Variants in SEPTIN9 observed in about 807,000 individuals in gnomAD.
The protein encoded by SEPTIN9 is septin-9.
In SEPTIN9, 13 loss-of-function variants were observed where a neutral mutation model predicts 56.6. The observed-to-expected ratio is 0.23, with a 90% confidence interval of 0.15 to 0.37. The LOEUF (loss-of-function observed/expected upper bound fraction) is 0.37. Ranked by LOEUF, SEPTIN9 falls within the 10% of genes least tolerant of loss-of-function variation. The probability of loss-of-function intolerance (pLI) is 1.00; values close to 1 mark genes in which losing one functional copy is unlikely to be tolerated. For synonymous variants in SEPTIN9, 332 were observed against 334.1 expected (o/e 0.99, Z 0.07); for missense variants, 650 against 823.1 (o/e 0.79, Z 2.57).
intron 2 of SEPTIN9, among the ~76,000 whole-genome samples, chr17:77,382,419 G>C (rs760653679): frequency 6.6e-6 from 1 of 152,228 alleles, no homozygotes; most frequent in Non-Finnish European, 1.5e-5. Context: ...GGTGGGAGGT[G>C]GGGGAGAGGG....
chr17:77,366,593 CCTT>C lies in SEPTIN9; in HGVS notation c.77-35463_77-35461del, dbSNP rs1319784314. ...CATACTTTCCACCCAGTCCTTCAGT[CCTT>C]CTGTCCTGTGTGTGTGCAGCCCCTG... is the stretch of plus-strand genomic sequence containing the variant. On this transcript the variant is annotated intron_variant, in intron 2 of 11. Transcript: ENST00000427177. 3.3e-5 allele frequency among the ~76,000 whole-genome samples: 5 copies of C among 152,326 alleles called. No homozygotes were observed. The East Asian group carries it at 9.6e-4, about 29-fold the overall frequency.
intron 1 of SEPTIN9, among the ~76,000 whole-genome samples, chr17:77,299,671 C>T (rs1480016837): frequency 6.6e-6 from 1 of 152,222 alleles, no homozygotes; most frequent in Non-Finnish European, 1.5e-5. Flanking sequence ...TCCCAATGCC[C>T]ACTGGTAAGC....
chr17:77,319,539 G>A lies in SEPTIN9; in HGVS notation c.76+12342G>A. On this transcript the variant is annotated intron_variant, in intron 2 of 11. Coordinates refer to ENST00000427177, the MANE Select transcript of SEPTIN9 (RefSeq NM_001113491.2). This position sits in a 1 kb window ranked among gnomAD's most constrained non-coding sequence, Gnocchi z 5.3. Reference sequence around the variant, plus strand: ...CTGCCTCTGTCACTGCAGACTAATGGGACGGAGGGGGGTGACTTCTCAGGG... The same window carrying A: ...CTGCCTCTGTCACTGCAGACTAATGAGACGGAGGGGGGTGACTTCTCAGGG... 9.5e-7 allele frequency: 1 copy of A among 1,049,866 alleles called. No homozygotes were observed. The highest frequency in any genetic ancestry group is 1.1e-6 in the Non-Finnish European group (1 of 869,598). The allele number at this position is 1,049,866 out of a possible 1,614,324, so 65.0% of individuals were successfully genotyped here.
chr17:77,376,265 C>A, intron 2 of SEPTIN9: 1 of 985,958 alleles, frequency 1.0e-6, no homozygotes, highest in Non-Finnish European at 1.2e-6. Context: ...TGCGGAGGGC[C>A]AGGCATGCCC....
rs568280987 is a variant in SEPTIN9 at position 77,303,573 on chromosome 17, C to T, written c.20-3568C>T. Among the ~76,000 whole-genome samples the T allele has an allele frequency of 2.0e-5, 3 of 151,710 alleles. No homozygotes were observed. In the South Asian group the frequency reaches 6.3e-4, roughly 32 times the overall value. ...CCGAATATACAAAAATTAGCCGGAG[C>T]GTGATGGCAGGTGCCTGTAATCTCA... On this transcript the variant is annotated intron_variant, in intron 1 of 11. Transcript: ENST00000427177.
rs891476470 is a variant in SEPTIN9 at position 77,326,857 on chromosome 17, G to A, written c.76+19660G>A. Among the ~76,000 whole-genome samples, 2 of 152,050 alleles carry A rather than the reference G, an allele frequency of 1.3e-5. No homozygotes were observed. The highest frequency in any genetic ancestry group is 2.9e-5 in the Non-Finnish European group (2 of 68,020). The stretch of plus-strand genomic sequence containing the variant: ...CAATGATTGAATCAATCATGCCTTC[G>A]TAATGAGGCCTCCGTGAACACTCAG... On this transcript the variant is annotated intron_variant, in intron 2 of 11. Transcript: ENST00000427177. The surrounding 1 kb of genome is among the most constrained non-coding windows in gnomAD (Gnocchi z 5.1).
chr17:77,466,559 C>T (rs1306216930), intron 3 of SEPTIN9: 2 of 985,482 alleles, frequency 2.0e-6, no homozygotes, highest in Admixed American at 6.1e-5. Context: ...TGGAGTCCCA[C>T]AGTAGGTCAA....
At chr17:77,485,150 TGGG>T (rs575310236) in intron 4 of SEPTIN9, among the ~76,000 whole-genome samples, 5 of 140,654 alleles carry the variant, frequency 3.6e-5, no homozygotes, top group Non-Finnish European at 7.6e-5. Flanking sequence ...GTGATTGTGA[TGGG>T]GGTGATGATG....
rs2035621034 is a variant in SEPTIN9, at chr17:77,393,849, G to A, written c.77-8210G>A. ...GATCCACCCACCTCAGCCTCCCAAA[G>A]TGTTAGGATTACAGGCATGAGCCAC... is the stretch of plus-strand genomic sequence containing the variant. On this transcript the variant is annotated intron_variant, in intron 2 of 11. Transcript: ENST00000427177. Among the ~76,000 whole-genome samples, 3 of 152,262 alleles carry A rather than the reference G, an allele frequency of 2.0e-5. 1 individual carries two copies. Among genetic ancestry groups the A allele is most frequent in the Admixed American group, 2.0e-4 (3 of 15,298 alleles).
intron 2 of SEPTIN9, among the ~76,000 whole-genome samples, chr17:77,347,834 G>A (rs1404331408): frequency 6.6e-6 from 1 of 152,096 alleles, no homozygotes; most frequent in Non-Finnish European, 1.5e-5. Flanking sequence ...TTATAAAATA[G>A]GCTTTGTGTT....
intron 4 of SEPTIN9, among the ~76,000 whole-genome samples, chr17:77,484,921 GATT>G (rs2039659793): frequency 6.7e-6 from 1 of 148,176 alleles, no homozygotes; most frequent in Non-Finnish European, 1.5e-5. Flanking sequence ...TGATGGTGGT[GATT>G]GTGATGGTGG....
intron 4 of SEPTIN9, chr17:77,482,839 CG>C: frequency 2.2e-6 from 1 of 461,010 alleles, no homozygotes; most frequent in South Asian, 3.1e-5. Context: ...GGGAGGTCGT[CG>C]ATCAGCACGA....
At position 77,500,000 on chromosome 17, in the gene SEPTIN9, A is replaced by T. The variant is rs970370667; in HGVS notation, c.*1342A>T. 14 of 237,252 alleles carry T rather than the reference A, an allele frequency of 5.9e-5. No individual in the cohort carries two copies. The highest frequency in any genetic ancestry group is 1.2e-3 in the Middle Eastern group (1 of 814). The allele number at this position is 237,252 out of a possible 1,614,324, so 14.7% of individuals were successfully genotyped here. A position where few individuals can be genotyped will look rare whatever the true frequency, so the allele number is the denominator to read the frequency against. On this transcript the variant is annotated 3_prime_UTR_variant, in exon 12 of 12. Coordinates refer to ENST00000427177, the MANE Select transcript of SEPTIN9 (RefSeq NM_001113491.2). ...GGGGACCCATGGGGGCTGTCTTTGC[A>T]GGGCACAGATGACCAAAGTCCCTTC...
At chr17:77,427,836 C>T (rs569203499) in intron 3 of SEPTIN9, among the ~76,000 whole-genome samples, 5 of 152,312 alleles carry the variant, frequency 3.3e-5, no homozygotes, top group African/African-American at 1.2e-4. Flanking sequence ...CCCTGGACAG[C>T]ACCCAGGGCT....
intron 3 of SEPTIN9, among the ~76,000 whole-genome samples, chr17:77,418,005 T>TG (rs975526923): frequency 1.2e-4 from 18 of 151,982 alleles, no homozygotes; most frequent in African/African-American, 3.6e-4. Flanking sequence ...ACACTGGGAG[T>TG]GGGGGGCTCC....
rs947358517 is a variant in SEPTIN9, at chr17:77,326,170, C to G, written c.76+18973C>G. Among the ~76,000 whole-genome samples, 3 of 152,192 alleles carry G rather than the reference C, an allele frequency of 2.0e-5. No homozygotes were observed. Among genetic ancestry groups the G allele is most frequent in the Non-Finnish European group, 4.4e-5 (3 of 68,038 alleles). On this transcript the variant is annotated intron_variant, in intron 2 of 11. Transcript: ENST00000427177. This position sits in a 1 kb window ranked among gnomAD's most constrained non-coding sequence, Gnocchi z 5.1. Reference sequence around the variant, plus strand: ...TCACCCATGTGGTCCGCCCAGCAACCTTTGACCCCCAACATGACAAAATAA... The same window carrying G: ...TCACCCATGTGGTCCGCCCAGCAACGTTTGACCCCCAACATGACAAAATAA...
intron 3 of SEPTIN9, among the ~76,000 whole-genome samples, chr17:77,412,358 A>G (rs1359211941): frequency 1.3e-5 from 2 of 152,118 alleles, no homozygotes; most frequent in African/African-American, 4.8e-5. Context: ...GAGAGGGATT[A>G]TCTCTTCGTA....
At chr17:77,482,957 G>A (rs541575294) in intron 4 of SEPTIN9, 25 of 184,680 alleles carry the variant, frequency 1.4e-4, no homozygotes, top group Admixed American at 9.0e-4. Context: ...TGAAGGGGGC[G>A]TCCCGTTTTC....
chr17:77,379,358 C>T, intron 2 of SEPTIN9, among the ~76,000 whole-genome samples: 1 of 151,942 alleles, frequency 6.6e-6, no homozygotes, highest in East Asian at 1.9e-4. Flanking sequence ...GCCACCTGGT[C>T]TCGTCGGCTG....
Sources: gnomAD v4.1 joint callset for allele counts (sites outside exome capture counted in the v4.1 genomes callset) on GRCh38, gnomAD v4.1.1 for gene constraint, Gnocchi (gnomAD v3.1) non-coding constraint, MANE v1.5 for transcripts, NCBI Gene and HGNC (gene_info 2026-07-23, HGNC 2026-07-21) for gene names.